Variants in FLNB observed in about 807,000 individuals in gnomAD.
FLNB encodes filamin B.
A neutral mutation model predicts 250.6 loss-of-function variants in FLNB; 111 were observed. The ratio of observed to expected loss-of-function variants is 0.44; its 90% CI spans 0.38 to 0.52. The LOEUF (loss-of-function observed/expected upper bound fraction) is 0.52, where lower values mean the gene tolerates loss of function less well. Among genes scored for constraint, FLNB ranks in the 20% least tolerant of loss-of-function variants. The pLI, the probability that FLNB is intolerant of heterozygous loss-of-function variation, is 0.00. For synonymous variants in FLNB, 1,302 were observed against 1,372.1 expected, an observed-to-expected ratio of 0.95 and a Z score of 1.13; for missense variants, 2,869 against 3,447.8, an observed-to-expected ratio of 0.83 and a Z score of 4.20.
intron 24 of FLNB, among the ~76,000 whole-genome samples, chr3:58,130,252 G>T (rs571845280): frequency 1.3e-5 from 2 of 152,260 alleles, no homozygotes; most frequent in African/African-American, 4.8e-5. Flanking sequence ...TCCTCCTTCA[G>T]TTGCTCCAGC....
intron 19 of FLNB, among the ~76,000 whole-genome samples, chr3:58,119,221 C>T (rs569378772): frequency 3.3e-5 from 5 of 151,762 alleles, no homozygotes; most frequent in Non-Finnish European, 5.9e-5. Flanking sequence ...GGGGGGTGGT[C>T]GGCGGGGAGA....
rs531486871 is a variant in FLNB, at chr3:58,088,123, C to T, written c.787+6347C>T. The stretch of plus-strand genomic sequence containing the variant: ...ATGGTATGATCTTGGCTCGCTGCAA[C>T]CCCCGCCTCTGCCTCCTGGGTTCAA... On this transcript the variant is annotated intron_variant, in intron 4 of 45. Coordinates refer to ENST00000295956, the MANE Select transcript of FLNB (RefSeq NM_001457.4). 7.6e-4 allele frequency among the ~76,000 whole-genome samples: 111 copies of T among 145,970 alleles called. 1 individual carries two copies. The South Asian group carries it at 0.024, about 32-fold the overall frequency.
At chr3:58,131,669 C>A (rs939356390) in intron 25 of FLNB, among the ~76,000 whole-genome samples, 2 of 152,208 alleles carry the variant, frequency 1.3e-5, no homozygotes, top group African/African-American at 4.8e-5. Context: ...TGAAGAGGAA[C>A]CTTCTCCTTC....
chr3:58,125,551 A>T (rs374679810), intron 22 of FLNB, 30 bp from the exon 23 acceptor site: 7 of 1,612,580 alleles, frequency 4.3e-6, no homozygotes, highest in Non-Finnish European at 5.9e-6. Context: ...TTGTATGCAA[A>T]TATGCGTTTC....
chr3:58,050,279 C>T (rs1294931260), intron 1 of FLNB, among the ~76,000 whole-genome samples: 2 of 152,146 alleles, frequency 1.3e-5, no homozygotes, highest in Admixed American at 6.6e-5. Context: ...CCACCCGCCT[C>T]GGCCTCCCAA....
chr3:58,109,563 A>G lies in FLNB; in HGVS notation c.2200-13A>G. 1 of 1,614,228 alleles carries G rather than the reference A, an allele frequency of 6.2e-7. No homozygotes were observed. Among genetic ancestry groups the G allele is most frequent in the Non-Finnish European group, 8.5e-7 (1 of 1,180,036 alleles). ...GGAGGAGAACTTGATGACCTTCTCC[A>G]TGTCTTCTCTAGGTCAACATCGGGC... On this transcript the variant is annotated splice_polypyrimidine_tract_variant and intron_variant, in intron 14 of 45. Coordinates refer to ENST00000295956, the MANE Select transcript of FLNB (RefSeq NM_001457.4).
intron 1 of FLNB, among the ~76,000 whole-genome samples, chr3:58,017,188 G>GA (rs1374164414): frequency 1.3e-5 from 2 of 152,182 alleles, no homozygotes; most frequent in Non-Finnish European, 2.9e-5. Flanking sequence ...TGGTACAGAG[G>GA]ACGGAATTAC....
chr3:58,147,104 G>A (rs751814895), intron 34 of FLNB, 111 bp downstream of exon 34: 8 of 1,090,200 alleles, frequency 7.3e-6, no homozygotes, highest in Non-Finnish European at 9.5e-6. Context: ...TTGAGTTTAG[G>A]TTTCACAGAG....
intron 26 of FLNB, among the ~76,000 whole-genome samples, chr3:58,133,201 A>G (rs1468158727): frequency 1.3e-5 from 2 of 152,192 alleles, no homozygotes; most frequent in African/African-American, 4.8e-5. Flanking sequence ...AGAACCTGCA[A>G]CTTGTCACCA....
intron 1 of FLNB, among the ~76,000 whole-genome samples, chr3:58,056,802 G>T (rs1256426829): frequency 6.6e-6 from 1 of 151,898 alleles, no homozygotes; most frequent in Non-Finnish European, 1.5e-5. Context: ...TATTGGTCAG[G>T]ATAGTCTTGA....
At chr3:58,137,029 G>C (rs1369756766) in intron 28 of FLNB, among the ~76,000 whole-genome samples, 3 of 152,098 alleles carry the variant, frequency 2.0e-5, no homozygotes, top group African/African-American at 7.2e-5. Context: ...CGGCCTTTCA[G>C]TTTTTAAGAA....
intron 1 of FLNB, among the ~76,000 whole-genome samples, chr3:58,030,913 C>T (rs995514709): frequency 2.9e-4 from 44 of 152,050 alleles, no homozygotes; most frequent in African/African-American, 9.2e-4. Context: ...TCTTATGTAC[C>T]CCATAAATAT....
chr3:58,042,492 G>A (rs2097147489), intron 1 of FLNB, among the ~76,000 whole-genome samples: 1 of 151,816 alleles, frequency 6.6e-6, no homozygotes, highest in Admixed American at 6.6e-5. Flanking sequence ...GGGACTACAG[G>A]CATGTGCCAC....
At chr3:58,147,649 C>T (rs2097337830) in intron 34 of FLNB, among the ~76,000 whole-genome samples, 1 of 152,126 alleles carries the variant, frequency 6.6e-6, no homozygotes, top group African/African-American at 2.4e-5. Context: ...CTTCAACTAA[C>T]AAAAATTCCT....
rs551236031 is a variant in FLNB, at chr3:58,153,143, A to G, written c.6368-232A>G. On this transcript the variant is annotated intron_variant, in intron 38 of 45. Coordinates refer to ENST00000295956, the MANE Select transcript of FLNB (RefSeq NM_001457.4). Reference sequence around the variant, plus strand: ...TCTGTGCATGATGGATGACCACGTCACCTTTGGCAAAAAGTCTCAGTGCCC... The same window carrying G: ...TCTGTGCATGATGGATGACCACGTCGCCTTTGGCAAAAAGTCTCAGTGCCC... 7.2e-5 allele frequency among the ~76,000 whole-genome samples: 11 copies of G among 152,314 alleles called. No individual in the cohort carries two copies. In the South Asian group the frequency reaches 2.1e-3, roughly 29 times the overall value.
chr3:58,061,764 A>G (rs1470145679), intron 1 of FLNB, among the ~76,000 whole-genome samples: 2 of 150,066 alleles, frequency 1.3e-5, no homozygotes, highest in Non-Finnish European at 3.0e-5. Flanking sequence ...AAAAAAAAAA[A>G]AAGTAACATA....
chr3:58,037,158 G>A (rs748868578), intron 1 of FLNB, among the ~76,000 whole-genome samples: 5 of 144,798 alleles, frequency 3.5e-5, no homozygotes, highest in Non-Finnish European at 7.5e-5. Context: ...TCCGTCTCCA[G>A]AGTTCAAGCA....
rs750365203 is a variant in FLNB at position 58,142,703 on chromosome 3, G to A, written c.5235G>A (p.Lys1745=). The A allele has an allele frequency of 1.9e-6, 3 of 1,614,248 alleles. No individual in the cohort carries two copies. The highest frequency in any genetic ancestry group is 1.7e-6 in the Non-Finnish European group (2 of 1,180,048). ...GTGACATGAACGGCCTGGGATTTAAGCCTTTTGACCTGGTCATTCCGTTTG... is the reference window on the plus strand; with the variant it reads ...GTGACATGAACGGCCTGGGATTTAAACCTTTTGACCTGGTCATTCCGTTTG... ...PVSDMNGLGF[K]PFDLVIPFAV... is the part of the protein sequence containing the mutation. The change falls in exon 31 of 46, where the codon AAG becomes AAA. Residue 1745 remains lysine (K), a synonymous_variant. Transcript: ENST00000295956. The surrounding 1 kb of genome is among the most constrained non-coding windows in gnomAD (Gnocchi z 4.3).
intron 1 of FLNB, among the ~76,000 whole-genome samples, chr3:58,038,178 C>T (rs1402103020): frequency 2.6e-5 from 4 of 151,786 alleles, no homozygotes; most frequent in Admixed American, 6.6e-5. Flanking sequence ...TACAGGTGCC[C>T]GCCACCATGC....
Sources: gnomAD v4.1 joint callset for allele counts (sites outside exome capture counted in the v4.1 genomes callset) on GRCh38, gnomAD v4.1.1 for gene constraint, Gnocchi (gnomAD v3.1) non-coding constraint, MANE v1.5 for transcripts, NCBI Gene and HGNC (gene_info 2026-07-23, HGNC 2026-07-21) for gene names.